SLC12A3: variants seen among roughly 807,000 people sequenced by gnomAD.
SLC12A3 encodes Na-Cl cotransporter.
A neutral mutation model predicts 121.0 loss-of-function variants in SLC12A3; 104 were observed. The observed-to-expected ratio is 0.86, with a 90% CI of 0.73 to 1.01. The LOEUF is 1.01. Among genes scored for constraint, SLC12A3 ranks in the 50% least tolerant of loss-of-function variants. The pLI is 0.00. For missense variants in SLC12A3, 1,328 were observed against 1,356.3 expected (o/e 0.98, Z 0.33); for synonymous variants, 536 against 533.4 (o/e 1.00, Z -0.07).
intron 15 of SLC12A3, among the ~76,000 whole-genome samples, chr16:56,885,995 C>A (rs1213801053): frequency 6.6e-6 from 1 of 152,204 alleles, no homozygotes. Context: ...CCCTCTGCTA[C>A]CTCTCGACGC....
At chr16:56,865,589 G>T in intron 1 of SLC12A3, 72 bp downstream of exon 1, 1 of 1,532,594 alleles carries the variant, frequency 6.5e-7, no homozygotes. Flanking sequence ...ACCTCTCTGA[G>T]CCTCAGTTCT....
intron 1 of SLC12A3, among the ~76,000 whole-genome samples, 163 bp from the exon 2 acceptor site, chr16:56,866,907 C>T (rs1346558748): frequency 6.6e-6 from 1 of 152,232 alleles, no homozygotes; most frequent in African/African-American, 2.4e-5. Context: ...TGCTCCTGGC[C>T]TAGGGAGCAT....
chr16:56,880,584 A>C (rs2055227709), intron 12 of SLC12A3, among the ~76,000 whole-genome samples: 1 of 152,152 alleles, frequency 6.6e-6, no homozygotes, highest in South Asian at 2.1e-4. Flanking sequence ...CCCCAGGCCT[A>C]AATGAACCCC....
At chr16:56,891,058 T>A (rs902611135) in intron 19 of SLC12A3, among the ~76,000 whole-genome samples, 1 of 151,920 alleles carries the variant, frequency 6.6e-6, no homozygotes, top group African/African-American at 2.4e-5. Context: ...AAGTCATATA[T>A]GACTGCAGAC....
intron 4 of SLC12A3, 91 bp downstream of exon 4, chr16:56,869,915 C>A: frequency 7.3e-7 from 1 of 1,377,416 alleles, no homozygotes; most frequent in Non-Finnish European, 1.0e-6. Flanking sequence ...CAATGGTACA[C>A]CCAGCCGCTC....
At position 56,872,753 on chromosome 16, in the gene SLC12A3, C is replaced by G. The variant is rs1315030808; in HGVS notation, c.1062C>G (p.Ile354Met). The change falls in exon 8 of 26, where the codon ATC (isoleucine) becomes ATG (methionine). Residue 354 changes from isoleucine (I) to methionine (M), a missense_variant. Physicochemically the swap from Ile to Met is conservative, Grantham distance 10 (BLOSUM62 1). Transcript: ENST00000563236. ...TCTTCTTCCCCTCGGCCACAGGCAT[C>G]CTGGCAGGGGCCAACATATCTGGTG... ...FSIFFPSATG[I>M]LAGANISGDL... 4 of 1,614,246 alleles carry G rather than the reference C, an allele frequency of 2.5e-6. No individual in the cohort carries two copies. Among genetic ancestry groups the G allele is most frequent in the Non-Finnish European group, 3.4e-6 (4 of 1,180,050 alleles).
Position 56,884,104 on chromosome 16 carries a change from C to T in SLC12A3, c.1725C>T (p.Ile575=). The change falls in exon 14 of 26, where the codon ATC becomes ATT. Residue 575 remains isoleucine (I), a synonymous_variant. Transcript: ENST00000563236. ...AGTGGGCGGCGCTGTTTGGGGCTAT[C>T]ATCTCCGTGGTCATCATGTTCCTCC... ...YNKWAALFGA[I]ISVVIMFLLT... The T allele has an allele frequency of 1.2e-6, 2 of 1,614,234 alleles. No homozygotes were observed. Among genetic ancestry groups the T allele is most frequent in the Middle Eastern group, 1.6e-4 (1 of 6,062 alleles).
chr16:56,894,164 C>T (rs1235300994), intron 21 of SLC12A3, among the ~76,000 whole-genome samples: 3 of 151,972 alleles, frequency 2.0e-5, no homozygotes, highest in African/African-American at 4.8e-5. Context: ...CCATCAGGCC[C>T]AGCTAATTTT....
chr16:56,893,054 G>A lies in SLC12A3; in HGVS notation c.2521G>A (p.Gly841Ser), dbSNP rs769412145. 3 of 1,613,200 alleles carry A rather than the reference G, an allele frequency of 1.9e-6. No individual in the cohort carries two copies. The highest frequency in any genetic ancestry group is 2.5e-6 in the Non-Finnish European group (3 of 1,179,134). ...CATCTACTGGCTCTTTGACGATGGAGGTCAGTGACCCCCTTGGATCAGCCC... is the reference window on the plus strand; with the variant it reads ...CATCTACTGGCTCTTTGACGATGGAAGTCAGTGACCCCCTTGGATCAGCCC... ...IDIYWLFDDG[G>S]LTLLIPYLLG... The change falls in exon 21 of 26, where the codon GGC becomes AGC. Residue 841 changes from glycine to serine, a missense_variant and splice_region_variant. Transcript: ENST00000563236.
chr16:56,884,395 C>T (rs1235377543), intron 14 of SLC12A3, among the ~76,000 whole-genome samples, 191 bp downstream of exon 14: 6 of 152,200 alleles, frequency 3.9e-5, no homozygotes, highest in African/African-American at 1.4e-4. Context: ...GGGCCTATGT[C>T]TCGACCTCTA....
In SLC12A3 at chr16:56,869,780, G is replaced by A. The variant is rs759426055; in HGVS notation, c.557G>A (p.Gly186Asp). The A allele has an allele frequency of 2.4e-5, 38 of 1,614,120 alleles. No homozygotes were observed. Among genetic ancestry groups the A allele is most frequent in the Non-Finnish European group, 3.2e-5 (38 of 1,180,002 alleles). Residue 186 changes from glycine to aspartate, a missense_variant, in exon 4 of 26, where the codon GGC (glycine) becomes GAC (aspartate). Gly to Asp is a moderately conservative substitution (Grantham distance 94, BLOSUM62 -1). Coordinates refer to ENST00000563236, the MANE Select transcript of SLC12A3 (RefSeq NM_001126108.2). ...LLSVTVTSITGLSISAISTNG... is the reference protein window; with the variant it reads ...LLSVTVTSITDLSISAISTNG... ...TCGGTCACGGTGACCTCCATCACAGGCCTCTCCATCTCAGCCATCTCCACC... is the reference window on the plus strand; with the variant it reads ...TCGGTCACGGTGACCTCCATCACAGACCTCTCCATCTCAGCCATCTCCACC...
intron 21 of SLC12A3, among the ~76,000 whole-genome samples, chr16:56,893,968 TTA>T (rs1409531453): frequency 2.0e-5 from 2 of 98,080 alleles, no homozygotes; most frequent in South Asian, 3.4e-4. Context: ...ATTTTTATTT[TTA>T]TTTTATTTAT....
At chr16:56,907,940 C>T (rs1007932220) in intron 25 of SLC12A3, among the ~76,000 whole-genome samples, 6 of 152,140 alleles carry the variant, frequency 3.9e-5, no homozygotes, top group African/African-American at 1.4e-4. Flanking sequence ...GACAGTAGAG[C>T]ATGTAGAATT....
rs112852272 is a variant in SLC12A3, at chr16:56,905,663, G to A, written c.2924+1201G>A. On this transcript the variant is annotated intron_variant, in intron 25 of 25. Coordinates refer to ENST00000563236, the MANE Select transcript of SLC12A3 (RefSeq NM_001126108.2). Reference sequence around the variant, plus strand: ...GGCCTAGGACAAAATGAAAATGTGGGGCACCTTGCTCAGAAACTATTAAGA... The same window carrying A: ...GGCCTAGGACAAAATGAAAATGTGGAGCACCTTGCTCAGAAACTATTAAGA... Among the ~76,000 whole-genome samples the A allele has an allele frequency of 6.3e-3, 957 of 152,250 alleles. 14 individuals carry two copies. The highest frequency in any genetic ancestry group is 0.022 in the African/African-American group (906 of 41,538).
chr16:56,880,051 G>A (rs1288830514), intron 11 of SLC12A3, 79 bp from the exon 12 acceptor site: 9 of 1,567,592 alleles, frequency 5.7e-6, no homozygotes, highest in Non-Finnish European at 5.2e-6. Context: ...ACCGAGCCGG[G>A]GCTGGAGCTC....
chr16:56,911,087 A>G (rs2055678309), intron 25 of SLC12A3, among the ~76,000 whole-genome samples: 2 of 152,314 alleles, frequency 1.3e-5, no homozygotes, highest in South Asian at 4.1e-4. Context: ...TGCAGGCACC[A>G]TTTCTCTCGT....
chr16:56,913,953 C>T lies in SLC12A3; in HGVS notation c.*548C>T, dbSNP rs1333214322. The T allele has an allele frequency of 6.5e-6, 1 of 153,292 alleles. No individual in the cohort carries two copies. The highest frequency in any genetic ancestry group is 2.4e-5 in the African/African-American group (1 of 41,390). 9.5% of individuals were successfully genotyped at this position (153,292 alleles called of 1,614,324 possible). The stretch of plus-strand genomic sequence containing the variant: ...TTAGATGAAGTTTTTTCTCTTGTTG[C>T]CCAGGCTAGGGTGTAATGGCATGAT... On this transcript the variant is annotated 3_prime_UTR_variant, in exon 26 of 26. Transcript: ENST00000563236.
At chr16:56,866,413 G>A (rs1192930015) in intron 1 of SLC12A3, among the ~76,000 whole-genome samples, 1 of 152,184 alleles carries the variant, frequency 6.6e-6, no homozygotes, top group African/African-American at 2.4e-5. Flanking sequence ...AGCCCCAGAG[G>A]AGGGCGTCAG....
rs894375253 is a variant in SLC12A3 at position 56,887,033 on chromosome 16, G to A, written c.2118G>A (p.Lys706=). Residue 706 remains lysine, a synonymous_variant, in exon 17 of 26, where the codon AAG becomes AAA. Transcript: ENST00000563236. ...HTKWLNKRKI[K]AFYSDVIAED... ...AGTGGCTGAACAAGAGGAAGATCAA[G>A]GCCTTCTACTCGGATGTCATTGCCG... 3.1e-6 allele frequency: 5 copies of A among 1,613,896 alleles called. No homozygotes were observed. In the African/African-American group the frequency reaches 5.3e-5, roughly 17 times the overall value.
Sources: gnomAD v4.1 joint callset for allele counts (sites outside exome capture counted in the v4.1 genomes callset) on GRCh38, gnomAD v4.1.1 for gene constraint, MANE v1.5 for transcripts, NCBI Gene and HGNC (gene_info 2026-07-23, HGNC 2026-07-21) for gene names.